GPR39: variants seen among roughly 807,000 people sequenced by gnomAD.
GPR39 encodes the protein zinc sensing receptor.
GPR39 carries 23 observed loss-of-function variants against 18.4 expected under a neutral mutation model. The ratio of observed to expected loss-of-function variants is 1.25; its 90% confidence interval spans 0.90 to 1.77. The LOEUF is 1.77. Among genes scored for constraint, GPR39 ranks in the 40% most tolerant of loss-of-function variants. The pLI is 0.00. For synonymous variants in GPR39, 280 were observed against 257.9 expected (o/e 1.09, Z -0.82); for missense variants, 647 against 602.4 (o/e 1.07, Z -0.78).
intron 1 of GPR39, among the ~76,000 whole-genome samples, chr2:132,511,571 G>C (rs1411990642): frequency 1.3e-5 from 2 of 152,122 alleles, no homozygotes; most frequent in Admixed American, 1.3e-4. Flanking sequence ...GTAGTGCTGA[G>C]GGAGAACTCT....
At chr2:132,479,859 C>A (rs1681199462) in intron 1 of GPR39, among the ~76,000 whole-genome samples, 1 of 151,304 alleles carries the variant, frequency 6.6e-6, no homozygotes, top group South Asian at 2.1e-4. Flanking sequence ...GGATATATAT[C>A]CAAAAAAGTT....
chr2:132,532,607 G>A (rs1053158640), intron 1 of GPR39, among the ~76,000 whole-genome samples: 1 of 152,110 alleles, frequency 6.6e-6, no homozygotes, highest in Non-Finnish European at 1.5e-5. Context: ...TAAAATACTG[G>A]CAAACCAAAT....
At chr2:132,471,889 T>C (rs1221328333) in intron 1 of GPR39, among the ~76,000 whole-genome samples, 2 of 152,084 alleles carry the variant, frequency 1.3e-5, no homozygotes, top group Admixed American at 6.5e-5. Context: ...CAACAAAAGC[T>C]CTGCAAGCCA....
chr2:132,588,244 G>C (rs1484084272), intron 1 of GPR39, among the ~76,000 whole-genome samples: 1 of 152,214 alleles, frequency 6.6e-6, no homozygotes, highest in African/African-American at 2.4e-5. Context: ...CCTTTAGTGA[G>C]AGGGAGGTTC....
rs528986279 is a variant in GPR39, at chr2:132,537,009, T to G, written c.857-108092T>G. Among the ~76,000 whole-genome samples the G allele has an allele frequency of 2.0e-5, 3 of 152,324 alleles. No individual in the cohort carries two copies. The East Asian group carries it at 5.8e-4, about 29-fold the overall frequency. On this transcript the variant is annotated intron_variant, in intron 1 of 1. Transcript: ENST00000329321. ...CTGAATAGTGCACACCCGTGGGTCTTGACTCTTTATCCAATTTGGCAGTCC... is the reference window on the plus strand; with the variant it reads ...CTGAATAGTGCACACCCGTGGGTCTGGACTCTTTATCCAATTTGGCAGTCC...
chr2:132,436,406 G>A (rs1448148895), intron 1 of GPR39, among the ~76,000 whole-genome samples: 2 of 152,190 alleles, frequency 1.3e-5, no homozygotes. Flanking sequence ...CTTATGTCAT[G>A]CTAGTCCATC....
At chr2:132,518,669 A>G (rs767641645) in intron 1 of GPR39, among the ~76,000 whole-genome samples, 4 of 152,204 alleles carry the variant, frequency 2.6e-5, no homozygotes, top group Non-Finnish European at 5.9e-5. Flanking sequence ...AATGCAAACC[A>G]CATACATAAT....
chr2:132,468,910 C>T (rs190128069), intron 1 of GPR39, among the ~76,000 whole-genome samples: 67 of 152,320 alleles, frequency 4.4e-4, no homozygotes, highest in Non-Finnish European at 2.9e-5. Flanking sequence ...GCAGTCATTT[C>T]AGGATTGCAG....
intron 1 of GPR39, among the ~76,000 whole-genome samples, chr2:132,560,979 T>A (rs1680242377): frequency 6.6e-6 from 1 of 151,570 alleles, no homozygotes; most frequent in South Asian, 2.1e-4. Flanking sequence ...AGTGGCGCCA[T>A]CTCTACTCAT....
chr2:132,592,136 TTTA>T (rs1680856615), intron 1 of GPR39, among the ~76,000 whole-genome samples: 1 of 152,014 alleles, frequency 6.6e-6, no homozygotes, highest in Admixed American at 6.6e-5. Flanking sequence ...CATCATGGAG[TTTA>T]TTGTCAGTTG....
chr2:132,500,497 A>G (rs1300042003), intron 1 of GPR39, among the ~76,000 whole-genome samples: 1 of 151,778 alleles, frequency 6.6e-6, no homozygotes, highest in Non-Finnish European at 1.5e-5. Context: ...TTTGTTGAGG[A>G]TTTTTGCATC....
At chr2:132,550,841 G>A (rs1680029242) in intron 1 of GPR39, among the ~76,000 whole-genome samples, 1 of 152,182 alleles carries the variant, frequency 6.6e-6, no homozygotes, top group Non-Finnish European at 1.5e-5. Context: ...TTTTTATAAT[G>A]CTGATTAAGC....
At chr2:132,542,886 C>T (rs1220955112) in intron 1 of GPR39, among the ~76,000 whole-genome samples, 1 of 152,176 alleles carries the variant, frequency 6.6e-6, no homozygotes, top group Non-Finnish European at 1.5e-5. Context: ...ACCTCCCTTG[C>T]CACTCAGTAA....
In GPR39 at chr2:132,417,822, C is replaced by T. The variant is rs542414316; in HGVS notation, c.780C>T (p.Gly260=). 15 of 1,613,790 alleles carry T rather than the reference C, an allele frequency of 9.3e-6. No homozygotes were observed. Among genetic ancestry groups the T allele is most frequent in the Non-Finnish European group, 1.2e-5 (14 of 1,180,022 alleles). ...GCCAGAAGGGCTCGCTGGCCGGGGG[C>T]ACGCGGCCTCCGCAGCTGAGGAAGT... ...MKSQKGSLAG[G]TRPPQLRKSE... The change falls in exon 1 of 2, where the codon GGC becomes GGT. Residue 260 remains glycine (G), a synonymous_variant. Coordinates refer to ENST00000329321, the MANE Select transcript of GPR39 (RefSeq NM_001508.3).
At chr2:132,427,837 C>T (rs1053131113) in intron 1 of GPR39, among the ~76,000 whole-genome samples, 52 of 147,812 alleles carry the variant, frequency 3.5e-4, no homozygotes, top group Admixed American at 2.9e-3. Context: ...GCTAGGACTA[C>T]AGGTGTGCAC....
chr2:132,547,010 G>A (rs1306385795), intron 1 of GPR39, among the ~76,000 whole-genome samples: 1 of 152,038 alleles, frequency 6.6e-6, no homozygotes, highest in African/African-American at 2.4e-5. Flanking sequence ...TTCAAAAAGT[G>A]GTCCTTGGAG....
intron 1 of GPR39, among the ~76,000 whole-genome samples, chr2:132,547,633 A>G (rs1679973677): frequency 6.6e-6 from 1 of 152,246 alleles, no homozygotes; most frequent in Non-Finnish European, 1.5e-5. Flanking sequence ...TTCAGCTAAT[A>G]GACATTTTAA....
At chr2:132,570,800 G>T (rs1215411100) in intron 1 of GPR39, among the ~76,000 whole-genome samples, 1 of 152,150 alleles carries the variant, frequency 6.6e-6, no homozygotes, top group Admixed American at 6.5e-5. Context: ...TGAGGCAGCA[G>T]CCTAGAGGAA....
At chr2:132,466,937 G>A (rs13414031) in intron 1 of GPR39, among the ~76,000 whole-genome samples, 3,824 of 152,148 alleles carry the variant, frequency 0.025, 165 homozygotes, top group African/African-American at 0.086. Context: ...TTTCTCCTGC[G>A]TGACAAGGTC....
Sources: allele counts gnomAD v4.1 joint callset (sites outside exome capture counted in the v4.1 genomes callset), GRCh38; gene constraint gnomAD v4.1.1; transcripts MANE v1.5; gene names NCBI Gene and HGNC (gene_info 2026-07-23, HGNC 2026-07-21).